The following TNIK variants were observed in gnomAD, a reference collection of about 807,000 sequenced individuals.
The protein encoded by TNIK is TRAF2 and NCK-interacting protein kinase.
A neutral mutation model predicts 191.3 loss-of-function variants in TNIK; 49 were observed. The ratio of observed to expected loss-of-function variants is 0.26; its 90% CI spans 0.20 to 0.32. TNIK has a LOEUF of 0.32. TNIK is among the 10% of genes least tolerant of loss of function. The pLI is 1.00. For missense variants in TNIK, 1,155 were observed against 1,702.3 expected (o/e 0.68, Z 5.66); for synonymous variants, 594 against 600.9 (o/e 0.99, Z 0.17).
intron 1 of TNIK, among the ~76,000 whole-genome samples, chr3:171,431,006 T>G (rs960218259): frequency 4.6e-5 from 7 of 152,156 alleles, no homozygotes; most frequent in Non-Finnish European, 1.0e-4. Context: ...AACATTATGC[T>G]TTGAAGAAAC....
At chr3:171,445,226 C>A (rs945734565) in intron 1 of TNIK, among the ~76,000 whole-genome samples, 2 of 151,952 alleles carry the variant, frequency 1.3e-5, no homozygotes, top group Non-Finnish European at 2.9e-5. Flanking sequence ...GCTTAGGAAT[C>A]CGAGATCACG....
In TNIK at chr3:171,107,165, A is replaced by G. The variant is rs756374643; in HGVS notation, c.2406+18T>C. On this transcript the variant is annotated intron_variant, in intron 21 of 32. Transcript: ENST00000436636. ...TTTACATTTTGTGAAAGCATGACCAAGAAAAGGTAATACTAACCTCATCTA... is the reference window on the plus strand; with the variant it reads ...TTTACATTTTGTGAAAGCATGACCAGGAAAAGGTAATACTAACCTCATCTA... 1 of 1,608,276 alleles carries G rather than the reference A, an allele frequency of 6.2e-7. No individual in the cohort carries two copies. Among genetic ancestry groups the G allele is most frequent in the Admixed American group, 1.7e-5 (1 of 58,704 alleles).
rs748181349 is a variant in TNIK, at chr3:171,084,143, G to C, written c.3169+12C>G. ...TTATTTAAAAAAAAAAAAAAAAAAAGCACCAACATACCCCACAGAGCTGCA... is the reference window on the plus strand; with the variant it reads ...TTATTTAAAAAAAAAAAAAAAAAAACCACCAACATACCCCACAGAGCTGCA... On this transcript the variant is annotated intron_variant, in intron 26 of 32. Transcript: ENST00000436636. 1 of 1,418,468 alleles carries C rather than the reference G, an allele frequency of 7.0e-7. No homozygotes were observed. Among genetic ancestry groups the C allele is most frequent in the Non-Finnish European group, 9.2e-7 (1 of 1,084,382 alleles). The allele number at this position is 1,418,468 out of a possible 1,614,324, so 87.9% of individuals were successfully genotyped here.
chr3:171,126,376 G>A (rs1203640391), intron 16 of TNIK, among the ~76,000 whole-genome samples: 2 of 152,122 alleles, frequency 1.3e-5, no homozygotes, highest in African/African-American at 2.4e-5. Context: ...ACTTGGGAAC[G>A]CTAAGTCAGT....
intron 2 of TNIK, among the ~76,000 whole-genome samples, chr3:171,322,510 T>C (rs1755266980): frequency 6.6e-6 from 1 of 152,178 alleles, no homozygotes; most frequent in Non-Finnish European, 1.5e-5. Context: ...TTTTGTAGTA[T>C]AATGTGTTTT....
intron 1 of TNIK, among the ~76,000 whole-genome samples, chr3:171,400,059 C>A (rs974169636): frequency 6.6e-6 from 1 of 152,160 alleles, no homozygotes; most frequent in Non-Finnish European, 1.5e-5. Context: ...GGAATATACA[C>A]CCTGGGTGCC....
At chr3:171,449,129 C>A (rs907687822) in intron 1 of TNIK, among the ~76,000 whole-genome samples, 1 of 151,990 alleles carries the variant, frequency 6.6e-6, no homozygotes, top group Non-Finnish European at 1.5e-5. Context: ...ATATGTGCCA[C>A]ATTTTCTTTA....
intron 2 of TNIK, among the ~76,000 whole-genome samples, chr3:171,317,423 T>A (rs1308269056): frequency 6.6e-6 from 1 of 152,110 alleles, no homozygotes; most frequent in Admixed American, 6.6e-5. Context: ...ATGGCTGAAA[T>A]GCTGCCAAAT....
chr3:171,359,948 C>T (rs10513696), intron 2 of TNIK, among the ~76,000 whole-genome samples: 8,997 of 152,082 alleles, frequency 0.059, 359 homozygotes, highest in South Asian at 0.15. Flanking sequence ...CTTATAATCA[C>T]GAAGTCATTA....
At chr3:171,351,908 A>T (rs1009094726) in intron 2 of TNIK, among the ~76,000 whole-genome samples, 1 of 152,226 alleles carries the variant, frequency 6.6e-6, no homozygotes, top group African/African-American at 2.4e-5. Context: ...CACCCTGCCC[A>T]TCCTGAACCC....
In TNIK at chr3:171,397,457, C is replaced by T. The variant is rs142678985; in HGVS notation, c.58-27772G>A. On this transcript the variant is annotated intron_variant, in intron 1 of 32. Transcript: ENST00000436636. ...AAACTATTGCTCAGAGAGATGTAGA[C>T]TAGGAGGACCTAGGAAGCAGAAATT... is the stretch of plus-strand genomic sequence containing the variant. Among the ~76,000 whole-genome samples, 369 of 152,258 alleles carry T rather than the reference C, an allele frequency of 2.4e-3. 3 individuals are homozygous for T. The highest frequency in any genetic ancestry group is 8.4e-3 in the African/African-American group (349 of 41,534).
At chr3:171,345,900 C>A (rs1241383936) in intron 2 of TNIK, among the ~76,000 whole-genome samples, 1 of 151,786 alleles carries the variant, frequency 6.6e-6, no homozygotes, top group Admixed American at 6.6e-5. Flanking sequence ...AAGGCACAGT[C>A]TAGTGAAAAG....
At position 171,062,719 on chromosome 3, in the gene TNIK, T is replaced by C. The variant is rs1717949758; in HGVS notation, c.*1162A>G. On this transcript the variant is annotated 3_prime_UTR_variant, in exon 33 of 33. Transcript: ENST00000436636. ...TGTATCTGAGGCAGGCTTAGGAGTC[T>C]AGTCCCTTCTCTCACCCACACAGGG... 1.3e-5 allele frequency: 2 copies of C among 152,194 alleles called. No homozygotes were observed. Among genetic ancestry groups the C allele is most frequent in the African/African-American group, 4.8e-5 (2 of 41,452 alleles). 9.4% of individuals were successfully genotyped at this position (152,194 alleles called of 1,614,324 possible).
chr3:171,114,896 C>A (rs898713308), intron 18 of TNIK, among the ~76,000 whole-genome samples: 3 of 152,174 alleles, frequency 2.0e-5, no homozygotes, highest in African/African-American at 4.8e-5. Context: ...TGTAATAGCT[C>A]TGAAATAATC....
chr3:171,175,274 G>T lies in TNIK; in HGVS notation c.751C>A (p.Pro251Thr). 6.2e-7 allele frequency: 1 copy of T among 1,612,848 alleles called. No homozygotes were observed. Among genetic ancestry groups the T allele is most frequent in the Non-Finnish European group, 8.5e-7 (1 of 1,179,582 alleles). The change falls in exon 9 of 33, where the codon CCT (proline) becomes ACT (threonine). Residue 251 changes from proline to threonine, a missense_variant. By Grantham distance (38) the Pro-to-Thr change is conservative. Around this residue, in one of 3 missense-constraint regions of TNIK, gnomAD observed 225 missense variants for 438.9 expected, o/e 0.51. Transcript: ENST00000436636. ...CACCACTTCTTAGACTTCAGCCGAG[G>T]CGCTGGGTTCCGGGGGATGAGGAAG... is the stretch of plus-strand genomic sequence containing the variant. ...ALFLIPRNPA[P>T]RLKSKKWSKK...
chr3:171,212,617 C>T (rs1172932395), intron 3 of TNIK, among the ~76,000 whole-genome samples: 1 of 152,192 alleles, frequency 6.6e-6, no homozygotes, highest in Non-Finnish European at 1.5e-5. Context: ...TTGCCACCCA[C>T]ATTTATCATT....
intron 19 of TNIK, 89 bp downstream of exon 19, chr3:171,110,625 A>C (rs1364933479): frequency 1.4e-6 from 2 of 1,461,198 alleles, no homozygotes; most frequent in East Asian, 5.0e-5. Flanking sequence ...CCATGCCTGG[A>C]CTAGAGTCAG....
chr3:171,358,918 T>A (rs919592090), intron 2 of TNIK, among the ~76,000 whole-genome samples: 2 of 152,112 alleles, frequency 1.3e-5, no homozygotes, highest in African/African-American at 2.4e-5. Context: ...ACTAACAGTA[T>A]TTTTTTAAAC....
intron 2 of TNIK, among the ~76,000 whole-genome samples, chr3:171,288,433 T>C (rs760071547): frequency 1.3e-5 from 2 of 151,986 alleles, no homozygotes; most frequent in East Asian, 3.8e-4. Context: ...AAGGAATACA[T>C]TGGTGTTGTA....
Sources: gnomAD v4.1 joint callset for allele counts (sites outside exome capture counted in the v4.1 genomes callset) on GRCh38, gnomAD v4.1.1 for gene constraint, gnomAD v4.1.1 regional missense constraint, MANE v1.5 for transcripts, NCBI Gene and HGNC (gene_info 2026-07-23, HGNC 2026-07-21) for gene names.